Variants in ASTN1 observed in about 807,000 individuals in gnomAD.
ASTN1 encodes astrotactin-1.
ASTN1 carries 41 observed loss-of-function variants against 140.7 expected under a neutral mutation model. That is an observed-to-expected ratio of 0.29 (90% CI 0.23 to 0.38). ASTN1 has a LOEUF of 0.38. Among genes scored for constraint, ASTN1 ranks in the 10% least tolerant of loss-of-function variants. The probability of loss-of-function intolerance (pLI) is 1.00; values close to 1 mark genes in which losing one functional copy is unlikely to be tolerated. For synonymous variants in ASTN1, 640 were observed against 652.2 expected, an observed-to-expected ratio of 0.98 and a Z score of 0.29; for missense variants, 1,479 against 1,678.8, an observed-to-expected ratio of 0.88 and a Z score of 2.08.
rs1435033446 is a variant in ASTN1 at position 177,106,736 on chromosome 1, C to T, written c.284-45471G>A. On this transcript the variant is annotated intron_variant, in intron 1 of 22. Coordinates refer to ENST00000361833, the MANE Select transcript of ASTN1 (RefSeq NM_004319.3). ...GATCCAATCAACAAAGCATCATCAG[C>T]TTATTTGGCTCAGGTAAACCTCAAG... Among the ~76,000 whole-genome samples the T allele has an allele frequency of 3.3e-5, 5 of 152,282 alleles. No individual in the cohort carries two copies. The East Asian group carries it at 5.8e-4, about 18-fold the overall frequency.
chr1:176,897,252 G>A (rs1009824585), intron 16 of ASTN1, among the ~76,000 whole-genome samples: 2 of 127,624 alleles, frequency 1.6e-5, no homozygotes, highest in Non-Finnish European at 3.1e-5. Flanking sequence ...TCCAGCCTGG[G>A]CTACAGAGCA....
Position 176,862,897 on chromosome 1 carries a change from T to C in ASTN1, c.*1387A>G, listed in dbSNP as rs1668012935. ...GGTCTTGCATCTGTTTGCTGACCTTTCTCATATGTTTCCAGATGAGGAGCC... is the reference window on the plus strand; with the variant it reads ...GGTCTTGCATCTGTTTGCTGACCTTCCTCATATGTTTCCAGATGAGGAGCC... On this transcript the variant is annotated 3_prime_UTR_variant, in exon 23 of 23. Coordinates refer to ENST00000361833, the MANE Select transcript of ASTN1 (RefSeq NM_004319.3). 3.0e-6 allele frequency: 3 copies of C among 985,380 alleles called. No homozygotes were observed. Among genetic ancestry groups the C allele is most frequent in the South Asian group, 9.4e-5 (2 of 21,292 alleles). The allele number at this position is 985,380 out of a possible 1,614,324, so 61.0% of individuals were successfully genotyped here. A position where few individuals can be genotyped will look rare whatever the true frequency, so the allele number is the denominator to read the frequency against.
chr1:177,023,601 A>G (rs1675943239), intron 6 of ASTN1, 30 bp from the exon 7 acceptor site: 3 of 1,548,422 alleles, frequency 1.9e-6, no homozygotes, highest in Non-Finnish European at 2.6e-6. Context: ...AAGCATGCCT[A>G]TATGTGCAAC....
At chr1:177,057,898 G>A (rs571318303) in intron 2 of ASTN1, among the ~76,000 whole-genome samples, 1 of 152,084 alleles carries the variant, frequency 6.6e-6, no homozygotes, top group Non-Finnish European at 1.5e-5. Context: ...TCCTCCAAAG[G>A]GTATGGTATA....
intron 1 of ASTN1, among the ~76,000 whole-genome samples, chr1:177,075,109 T>G (rs1455105194): frequency 6.6e-6 from 1 of 152,168 alleles, no homozygotes; most frequent in Non-Finnish European, 1.5e-5. Context: ...AGTCTTGCTG[T>G]GTCACCCAGG....
Position 177,032,445 on chromosome 1 carries a change from C to G in ASTN1, c.865+11G>C, listed in dbSNP as rs1356919635. The G allele has an allele frequency of 6.2e-7, 1 of 1,609,958 alleles. No homozygotes were observed. Among genetic ancestry groups the G allele is most frequent in the Admixed American group, 1.7e-5 (1 of 59,946 alleles). Reference sequence around the variant, plus strand: ...GGACCAAACAGCCCCTTGCCTTTCTCCCATCCCCACCTGGTGTGAGGTCCA... The same window carrying G: ...GGACCAAACAGCCCCTTGCCTTTCTGCCATCCCCACCTGGTGTGAGGTCCA... On this transcript the variant is annotated intron_variant, in intron 3 of 22. Coordinates refer to ENST00000361833, the MANE Select transcript of ASTN1 (RefSeq NM_004319.3).
intron 16 of ASTN1, among the ~76,000 whole-genome samples, chr1:176,908,362 G>T (rs1670089043): frequency 6.6e-6 from 1 of 152,114 alleles, no homozygotes; most frequent in African/African-American, 2.4e-5. Context: ...TCCTGAGTTT[G>T]GACAGCAGGT....
At chr1:176,886,972 G>A (rs541387118) in intron 18 of ASTN1, among the ~76,000 whole-genome samples, 72 of 152,172 alleles carry the variant, frequency 4.7e-4, no homozygotes, top group Non-Finnish European at 8.1e-4. Context: ...CTTGTCTCAG[G>A]TCCTGGCCCT....
At chr1:176,996,118 G>C (rs1219255731) in intron 8 of ASTN1, among the ~76,000 whole-genome samples, 1 of 152,058 alleles carries the variant, frequency 6.6e-6, no homozygotes, top group Admixed American at 6.6e-5. Flanking sequence ...TTTAAAATCT[G>C]GGTCTAAGTA....
At chr1:177,056,666 C>A (rs1677823440) in intron 2 of ASTN1, among the ~76,000 whole-genome samples, 1 of 151,516 alleles carries the variant, frequency 6.6e-6, no homozygotes, top group Non-Finnish European at 1.5e-5. Flanking sequence ...TATAGGAAAT[C>A]TATTAACACT....
chr1:177,148,123 A>G (rs895233696), intron 1 of ASTN1, among the ~76,000 whole-genome samples: 4 of 152,122 alleles, frequency 2.6e-5, no homozygotes, highest in African/African-American at 9.7e-5. Context: ...TTGTCTTACA[A>G]TCGAAAATTT....
At chr1:177,113,358 T>G (rs552798594) in intron 1 of ASTN1, among the ~76,000 whole-genome samples, 33 of 152,294 alleles carry the variant, frequency 2.2e-4, no homozygotes, top group African/African-American at 7.7e-4. Context: ...AGCCCTTCCT[T>G]ACCTGAACTG....
At chr1:177,157,655 A>C (rs1022697730) in intron 1 of ASTN1, among the ~76,000 whole-genome samples, 5 of 152,072 alleles carry the variant, frequency 3.3e-5, no homozygotes, top group South Asian at 2.1e-4. Context: ...TTTTTTTAAA[A>C]AAAAGGAAAA....
At chr1:177,083,991 T>C (rs548306372) in intron 1 of ASTN1, among the ~76,000 whole-genome samples, 1 of 152,218 alleles carries the variant, frequency 6.6e-6, no homozygotes, top group African/African-American at 2.4e-5. Flanking sequence ...AATTCTCCCT[T>C]GCTGTCATTT....
chr1:176,886,602 A>G (rs961749935), intron 18 of ASTN1, among the ~76,000 whole-genome samples: 2 of 152,210 alleles, frequency 1.3e-5, no homozygotes, highest in African/African-American at 4.8e-5. Flanking sequence ...AACCACCTAC[A>G]GAGAGAAGAC....
At chr1:177,080,074 G>T (rs1246596005) in intron 1 of ASTN1, among the ~76,000 whole-genome samples, 1 of 151,952 alleles carries the variant, frequency 6.6e-6, no homozygotes. Flanking sequence ...TACAATGAAT[G>T]CTGTGAATGT....
chr1:176,909,285 T>C (rs1204188043), intron 16 of ASTN1, among the ~76,000 whole-genome samples: 1 of 152,218 alleles, frequency 6.6e-6, no homozygotes, highest in Non-Finnish European at 1.5e-5. Context: ...GACAATGGGC[T>C]TCCATGTAAA....
intron 2 of ASTN1, among the ~76,000 whole-genome samples, chr1:177,040,838 C>T (rs1676935827): frequency 6.6e-6 from 1 of 152,182 alleles, no homozygotes. Flanking sequence ...GCCTGAAGCC[C>T]TACAGGGACA....
chr1:176,881,258 A>G (rs936589211), intron 20 of ASTN1, among the ~76,000 whole-genome samples: 1 of 152,162 alleles, frequency 6.6e-6, no homozygotes, highest in Admixed American at 6.5e-5. Flanking sequence ...CACAGTTCGC[A>G]TTTTATAAGA....
Sources: gnomAD v4.1 joint callset for allele counts (sites outside exome capture counted in the v4.1 genomes callset) on GRCh38, gnomAD v4.1.1 for gene constraint, MANE v1.5 for transcripts, NCBI Gene and HGNC (gene_info 2026-07-23, HGNC 2026-07-21) for gene names.